GLIS3: variants seen among roughly 807,000 people sequenced by gnomAD.
GLIS3 encodes GLIS family zinc finger 3, also known as zinc finger protein GLIS3.
A neutral mutation model predicts 78.6 loss-of-function variants in GLIS3; 53 were observed. That is an observed-to-expected ratio of 0.67 (90% CI 0.54 to 0.85). GLIS3 has a LOEUF of 0.85. Among genes scored for constraint, GLIS3 ranks in the 40% least tolerant of loss-of-function variants. The pLI is 0.00. For missense variants in GLIS3, 1,703 were observed against 1,231.1 expected (o/e 1.38, Z -5.74); for synonymous variants, 684 against 509.9 (o/e 1.34, Z -4.60).
At chr9:4,389,726 G>A in the GLIS3 span, among the ~76,000 whole-genome samples, 64 of 152,262 alleles carry the variant, frequency 4.2e-4, no homozygotes, top group South Asian at 0.012. Flanking sequence ...CACACAGACG[G>A]CACCGCATAC....
rs147972298 is a variant in GLIS3, at chr9:4,264,105, T to C, written c.388+21933A>G. 7.2e-5 allele frequency among the ~76,000 whole-genome samples: 11 copies of C among 152,308 alleles called. No individual in the cohort carries two copies. The East Asian group carries it at 1.9e-3, about 27-fold the overall frequency. On this transcript the variant is annotated intron_variant, in intron 2 of 10. Coordinates refer to ENST00000381971, the MANE Select transcript of GLIS3 (RefSeq NM_001042413.2). ...AACTAATAGGTATCTCAAATACAAT[T>C]ATTTTCAGAACAGAAACCTGATCTC...
intron 3 of GLIS3, among the ~76,000 whole-genome samples, chr9:4,119,114 A>G (rs1314223132): frequency 2.0e-5 from 3 of 152,232 alleles, no homozygotes; most frequent in African/African-American, 7.2e-5. Context: ...GAAATAATGT[A>G]ACAAAAGATC....
chr9:4,354,437 C>G, the GLIS3 span, among the ~76,000 whole-genome samples: 14 of 152,252 alleles, frequency 9.2e-5, no homozygotes, highest in South Asian at 2.7e-3. Context: ...TATTTCTTTT[C>G]TTTTGCTATA....
At chr9:4,181,256 A>G (rs555036644) in intron 2 of GLIS3, among the ~76,000 whole-genome samples, 12 of 152,388 alleles carry the variant, frequency 7.9e-5, no homozygotes, top group African/African-American at 2.6e-4. Flanking sequence ...AGGGCTGACC[A>G]TGGACAGCAC....
chr9:4,180,128 G>T (rs891670915), intron 2 of GLIS3, among the ~76,000 whole-genome samples: 2 of 152,042 alleles, frequency 1.3e-5, no homozygotes, highest in Non-Finnish European at 2.9e-5. Flanking sequence ...AGTCAGTGAG[G>T]GGCAGTGATA....
chr9:3,869,269 GT>G (rs1554634650), intron 8 of GLIS3, among the ~76,000 whole-genome samples: 11 of 7,434 alleles, frequency 1.5e-3, no homozygotes, highest in African/African-American at 7.3e-3. Context: ...TATCTAGGGT[GT>G]GTGTGTGTGT....
At chr9:4,180,104 G>C (rs1279610919) in intron 2 of GLIS3, among the ~76,000 whole-genome samples, 1 of 152,078 alleles carries the variant, frequency 6.6e-6, no homozygotes, top group Non-Finnish European at 1.5e-5. Context: ...CTATGTCAAG[G>C]CTGAGCTGGG....
intron 2 of GLIS3, among the ~76,000 whole-genome samples, chr9:4,194,561 G>C (rs1188511622): frequency 1.3e-5 from 2 of 152,176 alleles, no homozygotes; most frequent in Non-Finnish European, 2.9e-5. Context: ...CAGCAAAAGA[G>C]TGCATAAAGA....
At chr9:4,301,664 C>G (rs900297748), upstream of GLIS3, among the ~76,000 whole-genome samples, 2 of 152,186 alleles carry the variant, frequency 1.3e-5, no homozygotes, top group Non-Finnish European at 2.9e-5. Flanking sequence ...TTTCCAATGT[C>G]CCTCAAATAT....
At chr9:4,114,212 A>G (rs773889954) in intron 4 of GLIS3, among the ~76,000 whole-genome samples, 1 of 152,174 alleles carries the variant, frequency 6.6e-6, no homozygotes, top group Non-Finnish European at 1.5e-5. Context: ...GCCCAAGCTC[A>G]TTCAGAACAC....
At chr9:4,288,075 A>G (rs1372958391) in intron 1 of GLIS3, among the ~76,000 whole-genome samples, 1 of 152,184 alleles carries the variant, frequency 6.6e-6, no homozygotes, top group Admixed American at 6.5e-5. Flanking sequence ...AGCAGGAGTG[A>G]CCAGATAACC....
chr9:4,014,675 G>A (rs1279960827), intron 4 of GLIS3, among the ~76,000 whole-genome samples: 2 of 152,222 alleles, frequency 1.3e-5, no homozygotes, highest in Non-Finnish European at 2.9e-5. Flanking sequence ...CTTCTAGCCT[G>A]TGAACTGAAA....
chr9:4,365,454 GC>G, the GLIS3 span, among the ~76,000 whole-genome samples: 1 of 152,128 alleles, frequency 6.6e-6, no homozygotes, highest in African/African-American at 2.4e-5. Flanking sequence ...CTACTCAGGG[GC>G]TGAGGCAGGA....
chr9:3,865,280 T>G (rs2130335630), intron 8 of GLIS3, among the ~76,000 whole-genome samples: 1 of 152,306 alleles, frequency 6.6e-6, no homozygotes, highest in Middle Eastern at 3.4e-3. Context: ...GTTCTTCACG[T>G]GCAGAAAGAT....
At chr9:4,207,703 G>A (rs543395127) in intron 2 of GLIS3, among the ~76,000 whole-genome samples, 2 of 152,286 alleles carry the variant, frequency 1.3e-5, no homozygotes, top group East Asian at 3.9e-4. Flanking sequence ...AGGAGAGAGA[G>A]GATATACTGG....
chr9:4,462,301 T>C, the GLIS3 span, among the ~76,000 whole-genome samples: 6 of 152,256 alleles, frequency 3.9e-5, no homozygotes, highest in South Asian at 1.2e-3. Flanking sequence ...TAGAAATTCT[T>C]ATAGCAACTT....
chr9:4,397,096 G>A, the GLIS3 span, among the ~76,000 whole-genome samples: 2 of 140,884 alleles, frequency 1.4e-5, no homozygotes, highest in East Asian at 2.0e-4. Context: ...CGCGATCTTG[G>A]CTCACTGCAA....
At chr9:4,421,333 A>T in the GLIS3 span, among the ~76,000 whole-genome samples, 6 of 152,188 alleles carry the variant, frequency 3.9e-5, 1 homozygote, top group South Asian at 1.2e-3. Flanking sequence ...CCTGGTTCCA[A>T]CTGAAAGATG....
intron 2 of GLIS3, among the ~76,000 whole-genome samples, chr9:4,142,374 A>C (rs952061922): frequency 6.6e-6 from 1 of 152,216 alleles, no homozygotes; most frequent in Non-Finnish European, 1.5e-5. Context: ...ATAAGATTCT[A>C]TGGTTTTCAA....
Sources: gnomAD v4.1 joint callset for allele counts (sites outside exome capture counted in the v4.1 genomes callset) on GRCh38, gnomAD v4.1.1 for gene constraint, MANE v1.5 for transcripts, NCBI Gene and HGNC (gene_info 2026-07-23, HGNC 2026-07-21) for gene names.